RBFOX1: variants seen among roughly 807,000 people sequenced by gnomAD.
RBFOX1 encodes the protein RNA binding fox-1 homolog 1.
Under a neutral mutation model 57.7 loss-of-function variants are expected in RBFOX1, and 8 were observed. The ratio of observed to expected loss-of-function variants is 0.14; its 90% CI spans 0.08 to 0.25. The LOEUF (loss-of-function observed/expected upper bound fraction) is 0.25. RBFOX1 is among the 10% of genes least tolerant of loss of function. The pLI, the probability that RBFOX1 is intolerant of heterozygous loss-of-function variation, is 1.00. For missense variants in RBFOX1, 611 were observed against 548.5 expected (o/e 1.11, Z -1.14); for synonymous variants, 326 against 222.4 (o/e 1.47, Z -4.15).
At chr16:5,779,311 A>G (rs2054251227) in intron 3 of RBFOX1, among the ~76,000 whole-genome samples, 1 of 152,198 alleles carries the variant, frequency 6.6e-6, no homozygotes, top group Non-Finnish European at 1.5e-5. Context: ...AGATGCATAC[A>G]GTTGTTAAAT....
chr16:7,328,500 A>AAAAAAG (rs1555718992), intron 4 of RBFOX1: 1 of 149,766 alleles, frequency 6.7e-6, no homozygotes, highest in African/African-American at 2.5e-5. Flanking sequence ...AAAAAAAAAA[A>AAAAAAG]GAAGACCTGG....
chr16:5,359,426 C>T (rs919837298), intron 1 of RBFOX1, among the ~76,000 whole-genome samples: 2 of 152,184 alleles, frequency 1.3e-5, no homozygotes, highest in African/African-American at 4.8e-5. Flanking sequence ...TTTACATTCC[C>T]ACCAACAGTG....
intron 1 of RBFOX1, among the ~76,000 whole-genome samples, chr16:5,420,632 C>T (rs1193099983): frequency 1.3e-5 from 2 of 152,116 alleles, no homozygotes; most frequent in African/African-American, 2.4e-5. Context: ...ACCTCAGCGT[C>T]CCCCAACCCT....
At chr16:5,408,613 G>C (rs1349534647) in intron 1 of RBFOX1, among the ~76,000 whole-genome samples, 1 of 152,186 alleles carries the variant, frequency 6.6e-6, no homozygotes, top group African/African-American at 2.4e-5. Context: ...TTCTTGCATT[G>C]CCATAAGAAG....
intron 2 of RBFOX1, among the ~76,000 whole-genome samples, chr16:6,534,284 T>A (rs2153821951): frequency 6.6e-6 from 1 of 152,188 alleles, no homozygotes; most frequent in South Asian, 2.1e-4. Context: ...TGTGTGCATA[T>A]GCGTATGTGT....
In RBFOX1 at chr16:5,357,616, T is replaced by C. The variant is rs958837321; in HGVS notation, c.220-109600T>C. Among the ~76,000 whole-genome samples, 8 of 152,178 alleles carry C rather than the reference T, an allele frequency of 5.3e-5. 1 individual carries two copies. In the South Asian group the frequency reaches 1.0e-3, roughly 20 times the overall value. On this transcript the variant is annotated intron_variant, in intron 1 of 2. Coordinates refer to the RBFOX1 transcript ENST00000585867. ...GGTAGGTTATGTGATTCTAAACTTG[T>C]AACAAACTCCCAGGTGATGGTGATG...
intron 1 of RBFOX1, among the ~76,000 whole-genome samples, chr16:6,114,175 C>G (rs2096474855): frequency 6.6e-6 from 1 of 152,040 alleles, no homozygotes; most frequent in African/African-American, 2.4e-5. Context: ...TAGCAATGAA[C>G]TTCTTCTCTT....
chr16:6,313,947 C>A (rs193029907), intron 1 of RBFOX1, among the ~76,000 whole-genome samples: 1 of 152,122 alleles, frequency 6.6e-6, no homozygotes, highest in East Asian at 1.9e-4. Flanking sequence ...TGGTTCTCAG[C>A]CTCTGTTTTT....
intron 3 of RBFOX1, among the ~76,000 whole-genome samples, chr16:5,833,022 T>G (rs1462178681): frequency 6.6e-6 from 1 of 152,158 alleles, no homozygotes; most frequent in East Asian, 1.9e-4. Flanking sequence ...CCCCCCAAAA[T>G]GCATAGGCAC....
At chr16:6,780,099 TTTTATATA>T (rs2080431099) in intron 3 of RBFOX1, among the ~76,000 whole-genome samples, 1 of 19,450 alleles carries the variant, frequency 5.1e-5, no homozygotes, top group Non-Finnish European at 6.8e-5. Context: ...ATTTATATAT[TTTTATATA>T]TTTATATATA....
intron 3 of RBFOX1, among the ~76,000 whole-genome samples, chr16:6,898,657 G>C (rs564906352): frequency 6.6e-6 from 1 of 152,076 alleles, no homozygotes; most frequent in Admixed American, 6.6e-5. Flanking sequence ...AGATAATTCA[G>C]CTCTGAGTTT....
chr16:7,693,944 G>C (rs1272989009), intron 14 of RBFOX1, among the ~76,000 whole-genome samples: 1 of 152,126 alleles, frequency 6.6e-6, no homozygotes, highest in African/African-American at 2.4e-5. Flanking sequence ...GAGAGACCAG[G>C]TCTTTTGGTT....
intron 3 of RBFOX1, among the ~76,000 whole-genome samples, chr16:6,831,212 T>G (rs563377784): frequency 6.6e-6 from 1 of 152,310 alleles, no homozygotes; most frequent in South Asian, 2.1e-4. Flanking sequence ...CACAGCTTAG[T>G]CTTACCTTAA....
chr16:7,180,806 A>G (rs535142949), intron 4 of RBFOX1, among the ~76,000 whole-genome samples: 1 of 151,516 alleles, frequency 6.6e-6, no homozygotes, highest in Non-Finnish European at 1.5e-5. Flanking sequence ...TTAAGCATCA[A>G]GGTTAAAAAG....
intron 1 of RBFOX1, among the ~76,000 whole-genome samples, chr16:6,167,979 A>C (rs947970065): frequency 6.6e-6 from 1 of 152,182 alleles, no homozygotes; most frequent in Non-Finnish European, 1.5e-5. Flanking sequence ...ATCCAATTAT[A>C]AACTTTAACC....
chr16:6,847,147 C>A (rs114379073), intron 3 of RBFOX1, among the ~76,000 whole-genome samples: 12,105 of 152,162 alleles, frequency 0.08, 620 homozygotes, highest in Middle Eastern at 0.13. Context: ...TCCTGTCTTG[C>A]GGCCATTAAA....
At chr16:7,118,603 C>T (rs1754019868) in intron 4 of RBFOX1, among the ~76,000 whole-genome samples, 2 of 152,158 alleles carry the variant, frequency 1.3e-5, no homozygotes, top group Admixed American at 1.3e-4. Flanking sequence ...TATATAATCA[C>T]ATACATGTAA....
At chr16:7,156,587 A>C (rs2077199241) in intron 4 of RBFOX1, among the ~76,000 whole-genome samples, 1 of 152,044 alleles carries the variant, frequency 6.6e-6, no homozygotes, top group South Asian at 2.1e-4. Context: ...ATTTGCATGC[A>C]GATATACATA....
At chr16:5,360,521 T>A (rs1228157486) in intron 1 of RBFOX1, among the ~76,000 whole-genome samples, 1 of 152,172 alleles carries the variant, frequency 6.6e-6, no homozygotes, top group African/African-American at 2.4e-5. Flanking sequence ...TATACCAGTA[T>A]CAGCTACCTG....
Sources: allele counts gnomAD v4.1 joint callset (sites outside exome capture counted in the v4.1 genomes callset), GRCh38; gene constraint gnomAD v4.1.1; transcripts MANE v1.5; gene names NCBI Gene and HGNC (gene_info 2026-07-23, HGNC 2026-07-21).